The following SDHAF3 variants were observed in gnomAD, a reference collection of about 807,000 sequenced individuals.
The protein encoded by SDHAF3 is succinate dehydrogenase assembly factor 3, mitochondrial.
A neutral mutation model predicts 11.5 loss-of-function variants in SDHAF3; 18 were observed. The ratio of observed to expected loss-of-function variants is 1.56; its 90% CI spans 1.08 to 2.32. The LOEUF (loss-of-function observed/expected upper bound fraction) is 2.32. Ranked by LOEUF, SDHAF3 falls within the 30% of genes most tolerant of loss-of-function variation. The pLI, the probability that SDHAF3 is intolerant of heterozygous loss-of-function variation, is 0.00. For synonymous variants in SDHAF3, 72 were observed against 59.3 expected (o/e 1.21, Z -0.99); for missense variants, 200 against 154.4 (o/e 1.30, Z -1.57).
chr7:97,144,894 G>A (rs1195276324), intron 1 of SDHAF3, among the ~76,000 whole-genome samples: 1 of 152,124 alleles, frequency 6.6e-6, no homozygotes, highest in Non-Finnish European at 1.5e-5. Flanking sequence ...ATTGCTTTTG[G>A]CAGTATGGTC....
chr7:97,173,897 C>CTGAT (rs1789642152), intron 1 of SDHAF3, among the ~76,000 whole-genome samples: 1 of 150,628 alleles, frequency 6.6e-6, no homozygotes, highest in African/African-American at 2.4e-5. Flanking sequence ...TTAAAGTTTC[C>CTGAT]TGATTGTTTT....
rs192837501 is a variant in SDHAF3, at chr7:97,163,516, C to A, written c.175-17496C>A. Among the ~76,000 whole-genome samples, 61 of 152,298 alleles carry A rather than the reference C, an allele frequency of 4.0e-4. 1 individual carries two copies. Among genetic ancestry groups the A allele is most frequent in the Admixed American group, 6.5e-4 (10 of 15,302 alleles). On this transcript the variant is annotated intron_variant, in intron 1 of 1. Transcript: ENST00000432641. Reference sequence around the variant, plus strand: ...TTCCATTTCCTTGGTAAATATTCTTCCATCCCTTTATTTTGAGCTTATGTG... The same window carrying A: ...TTCCATTTCCTTGGTAAATATTCTTACATCCCTTTATTTTGAGCTTATGTG...
chr7:97,163,142 C>G (rs566106961), intron 1 of SDHAF3, among the ~76,000 whole-genome samples: 1 of 125,672 alleles, frequency 8.0e-6, no homozygotes, highest in African/African-American at 2.9e-5. Context: ...TTCTTTGTCT[C>G]TTTTGACCTT....
intron 1 of SDHAF3, among the ~76,000 whole-genome samples, chr7:97,146,075 T>C (rs1310268529): frequency 2.0e-5 from 3 of 151,446 alleles, no homozygotes; most frequent in South Asian, 4.2e-4. Flanking sequence ...AAGATAAAAA[T>C]AGAGATTTGG....
chr7:97,167,160 A>C (rs1789519437), intron 1 of SDHAF3, among the ~76,000 whole-genome samples: 1 of 152,110 alleles, frequency 6.6e-6, no homozygotes, highest in Non-Finnish European at 1.5e-5. Flanking sequence ...CTCATGTCAA[A>C]TTGGAGGAGG....
At chr7:97,134,243 C>G (rs1791713655) in intron 1 of SDHAF3, among the ~76,000 whole-genome samples, 5 of 152,176 alleles carry the variant, frequency 3.3e-5, no homozygotes. Flanking sequence ...TGTGGCCCCT[C>G]CCAAAAGTAA....
intron 1 of SDHAF3, among the ~76,000 whole-genome samples, chr7:97,167,544 C>G (rs973346221): frequency 6.6e-6 from 1 of 152,054 alleles, no homozygotes; most frequent in Non-Finnish European, 1.5e-5. Flanking sequence ...ACGGGAATTG[C>G]CATAGAGAAA....
At chr7:97,122,569 AAGG>A (rs1412703894) in intron 1 of SDHAF3, among the ~76,000 whole-genome samples, 2 of 151,826 alleles carry the variant, frequency 1.3e-5, no homozygotes, top group African/African-American at 4.8e-5. Flanking sequence ...AGTATTAGTG[AAGG>A]AGAAGAAAAC....
chr7:97,175,593 C>T (rs1222526906), intron 1 of SDHAF3, among the ~76,000 whole-genome samples: 3 of 152,072 alleles, frequency 2.0e-5, no homozygotes, highest in African/African-American at 7.2e-5. Context: ...CTCGACCATA[C>T]CAGTAATTTA....
At chr7:97,152,430 T>C (rs1481002777) in intron 1 of SDHAF3, among the ~76,000 whole-genome samples, 1 of 152,190 alleles carries the variant, frequency 6.6e-6, no homozygotes, top group Non-Finnish European at 1.5e-5. Flanking sequence ...TCCTCTTGCA[T>C]GGAGTCAGTT....
chr7:97,173,768 G>T (rs1333200873), intron 1 of SDHAF3, among the ~76,000 whole-genome samples: 1 of 152,002 alleles, frequency 6.6e-6, no homozygotes, highest in Non-Finnish European at 1.5e-5. Context: ...TAGCCAGGAT[G>T]ATCTCAATCT....
chr7:97,143,557 T>A (rs1019012418), intron 1 of SDHAF3, among the ~76,000 whole-genome samples: 1 of 152,184 alleles, frequency 6.6e-6, no homozygotes, highest in Non-Finnish European at 1.5e-5. Flanking sequence ...ATACAATATT[T>A]GTTTTTCCAT....
intron 1 of SDHAF3, among the ~76,000 whole-genome samples, chr7:97,121,892 C>T (rs1791504490): frequency 7.2e-6 from 1 of 138,816 alleles, no homozygotes; most frequent in African/African-American, 2.7e-5. Context: ...AGTCTTCGCT[C>T]TATCGCCCAG....
chr7:97,145,795 A>G (rs1313932849), intron 1 of SDHAF3, among the ~76,000 whole-genome samples: 1 of 152,188 alleles, frequency 6.6e-6, no homozygotes, highest in Non-Finnish European at 1.5e-5. Context: ...TTCAATAAAC[A>G]TTTATTAAAT....
At chr7:97,164,564 T>C (rs997188175) in intron 1 of SDHAF3, among the ~76,000 whole-genome samples, 2 of 151,720 alleles carry the variant, frequency 1.3e-5, no homozygotes, top group Admixed American at 6.6e-5. Context: ...TTAGTAGAGA[T>C]GGGTTTCTCC....
At chr7:97,151,304 A>G (rs192602595) in intron 1 of SDHAF3, among the ~76,000 whole-genome samples, 3 of 152,306 alleles carry the variant, frequency 2.0e-5, no homozygotes, top group Admixed American at 2.0e-4. Flanking sequence ...TGGAATTTTT[A>G]TAATATCTGT....
At chr7:97,168,054 T>C (rs1789541243) in intron 1 of SDHAF3, among the ~76,000 whole-genome samples, 1 of 152,170 alleles carries the variant, frequency 6.6e-6, no homozygotes, top group Non-Finnish European at 1.5e-5. Context: ...GGGAGGAGCC[T>C]GGTCTCTTCA....
chr7:97,148,654 A>G (rs763551424), intron 1 of SDHAF3, among the ~76,000 whole-genome samples: 10 of 152,246 alleles, frequency 6.6e-5, no homozygotes, highest in South Asian at 4.1e-4. Flanking sequence ...TGAAGCATCT[A>G]CTATCACTGA....
intron 1 of SDHAF3, among the ~76,000 whole-genome samples, chr7:97,158,404 T>C (rs774623445): frequency 2.0e-5 from 3 of 152,202 alleles, no homozygotes; most frequent in Non-Finnish European, 4.4e-5. Context: ...CTCGGCTCAT[T>C]GCAACCTCTG....
Sources: allele counts gnomAD v4.1 joint callset (sites outside exome capture counted in the v4.1 genomes callset), GRCh38; gene constraint gnomAD v4.1.1; transcripts MANE v1.5; gene names NCBI Gene and HGNC (gene_info 2026-07-23, HGNC 2026-07-21).